Variants in UPRT observed in about 807,000 individuals in gnomAD.
The protein encoded by UPRT is RP11-311P8.3.
UPRT carries 5 observed loss-of-function variants against 22.6 expected under a neutral mutation model. The ratio of observed to expected loss-of-function variants is 0.22; its 90% CI spans 0.12 to 0.47. UPRT has a LOEUF of 0.47. Ranked by LOEUF, UPRT falls within the 20% of genes least tolerant of loss-of-function variation. UPRT has a pLI of 0.99. For synonymous variants in UPRT, 77 were observed against 87.7 expected (o/e 0.88, Z 0.68); for missense variants, 181 against 239.9 (o/e 0.75, Z 1.62).
At chrX:75,216,718 G>T (rs1307928398) in intron 4 of UPRT, among the ~76,000 whole-genome samples, 1 of 112,285 alleles carries the variant, frequency 8.9e-6, no homozygotes, top group Non-Finnish European at 1.9e-5. Context: ...AATATACTAA[G>T]CTTAAGCAAA....
At chrX:75,228,151 A>T (rs953774003) in intron 4 of UPRT, among the ~76,000 whole-genome samples, 2 of 111,591 alleles carry the variant, frequency 1.8e-5, no homozygotes, top group African/African-American at 6.5e-5. Context: ...AGAAATTGCA[A>T]CAAAGGACTC....
intron 4 of UPRT, among the ~76,000 whole-genome samples, chrX:75,183,448 G>C (rs775816269): frequency 8.9e-6 from 1 of 111,920 alleles, no homozygotes; most frequent in Admixed American, 9.5e-5. Context: ...TTGGTTCCAA[G>C]TCTTCGCTAT....
At chrX:75,281,107 C>G (rs1194911012) in intron 1 of UPRT, among the ~76,000 whole-genome samples, 2 of 111,308 alleles carry the variant, frequency 1.8e-5, no homozygotes, top group African/African-American at 6.5e-5. Flanking sequence ...GATTTGTGTA[C>G]ATTAATCTTG....
chrX:75,298,903 C>G (rs932754457), intron 4 of UPRT, among the ~76,000 whole-genome samples: 9 of 112,052 alleles, frequency 8.0e-5, no homozygotes, highest in Non-Finnish European at 1.3e-4. Flanking sequence ...TGCTTATAAC[C>G]TTAATAGCCA....
intron 4 of UPRT, among the ~76,000 whole-genome samples, chrX:75,173,889 C>T (rs1391500157): frequency 2.7e-5 from 3 of 112,209 alleles, no homozygotes; most frequent in Non-Finnish European, 5.7e-5. Flanking sequence ...CCGGCTGCTC[C>T]GAGTGCGGGG....
intron 4 of UPRT, among the ~76,000 whole-genome samples, chrX:75,239,816 A>G (rs1449420637): frequency 9.0e-6 from 1 of 111,634 alleles, no homozygotes; most frequent in Non-Finnish European, 1.9e-5. Context: ...AATAAATGAG[A>G]TACACTACAT....
intron 5 of UPRT, among the ~76,000 whole-genome samples, 177 bp downstream of exon 5, chrX:75,300,073 A>G (rs1259425880): frequency 2.7e-5 from 3 of 112,500 alleles, no homozygotes; most frequent in Non-Finnish European, 5.6e-5. Flanking sequence ...AAGAGAATAT[A>G]CAGTAGTCAG....
rs2082623596 is a variant in UPRT at position 75,274,620 on chromosome X, A to G, written c.366A>G (p.Leu122=). 3.3e-6 allele frequency: 4 copies of G among 1,196,362 alleles called. No individual in the cohort carries two copies. The South Asian group carries it at 7.3e-5, about 22-fold the overall frequency. The change falls in exon 1 of 7, where the codon CTA becomes CTG. Residue 122 remains leucine (L), a synonymous_variant. Transcript: ENST00000373383. ...LLPMNDQIRE[L]QTIIRDKTAS... ...CTATGAATGATCAGATACGGGAGCT[A>G]CAGACCATCATCCGTGACAAGTAAG...
Position 75,197,155 on chromosome X carries a change from C to T in UPRT, c.-447+29276C>T, listed in dbSNP as rs115381615. 5.6e-3 allele frequency among the ~76,000 whole-genome samples: 629 copies of T among 111,437 alleles called. 3 individuals are homozygous for T. The highest frequency in any genetic ancestry group is 0.02 in the African/African-American group (606 of 30,641). ...AAGGTGAAAAAGAAAAAATAATCCTCCTTAAGACTTCTTAAGCAAAGGCCA... is the reference window on the plus strand; with the variant it reads ...AAGGTGAAAAAGAAAAAATAATCCTTCTTAAGACTTCTTAAGCAAAGGCCA... On this transcript the variant is annotated intron_variant, in intron 4 of 13. Transcript: ENST00000652605.
rs761709434 is a variant in UPRT at position 75,174,779 on chromosome X, A to C, written c.-447+6900A>C. On this transcript the variant is annotated intron_variant, in intron 4 of 13. Transcript: ENST00000652605. Reference sequence around the variant, plus strand: ...TTCTTGCAAACTGTCTGAGAGGCAGATATGGGTTGAAGATCCACATAAGTA... The same window carrying C: ...TTCTTGCAAACTGTCTGAGAGGCAGCTATGGGTTGAAGATCCACATAAGTA... Among the ~76,000 whole-genome samples, 46 of 112,290 alleles carry C rather than the reference A, an allele frequency of 4.1e-4. 1 individual carries two copies. The South Asian group carries it at 0.017, about 41-fold the overall frequency.
chrX:75,227,940 T>TA (rs2082427989), intron 4 of UPRT, among the ~76,000 whole-genome samples: 5 of 112,369 alleles, frequency 4.4e-5, no homozygotes, highest in Admixed American at 9.4e-5. Context: ...TCTTTTTATT[T>TA]TTTTAAATAG....
chrX:75,270,385 C>T (rs1353418632), upstream of UPRT, among the ~76,000 whole-genome samples: 1 of 111,332 alleles, frequency 9.0e-6, no homozygotes, highest in Non-Finnish European at 1.9e-5. Context: ...TACCATTTGA[C>T]CCAGCAATTC....
rs148809699 is a variant in UPRT at position 75,231,941 on chromosome X, A to G, written c.-446-59083A>G. 3.1e-3 allele frequency among the ~76,000 whole-genome samples: 345 copies of G among 112,439 alleles called. 1 individual carries two copies. The highest frequency in any genetic ancestry group is 0.01 in the African/African-American group (314 of 30,978). ...CAGCACTAAAAGAAATGCTAGAAAGATGGCTGAATAGGAACAGCTCTGGTC... is the reference window on the plus strand; with the variant it reads ...CAGCACTAAAAGAAATGCTAGAAAGGTGGCTGAATAGGAACAGCTCTGGTC... On this transcript the variant is annotated intron_variant, in intron 4 of 13. Coordinates refer to the UPRT transcript ENST00000652605.
intron 4 of UPRT, among the ~76,000 whole-genome samples, chrX:75,174,651 C>T (rs1276069093): frequency 8.9e-6 from 1 of 112,065 alleles, no homozygotes; most frequent in Non-Finnish European, 1.9e-5. Context: ...GTGTAGCGTC[C>T]TCCTTTTTCA....
chrX:75,252,710 A>G, intron 4 of UPRT, among the ~76,000 whole-genome samples: 1 of 112,439 alleles, frequency 8.9e-6, no homozygotes, highest in Non-Finnish European at 1.9e-5. Context: ...CCAAAGGATT[A>G]TAAATCATGC....
At chrX:75,208,635 G>C (rs959972920) in intron 4 of UPRT, among the ~76,000 whole-genome samples, 6 of 111,683 alleles carry the variant, frequency 5.4e-5, no homozygotes, top group Admixed American at 4.7e-4. Context: ...AGAGATCCTG[G>C]ATAAAGTGGT....
At chrX:75,236,629 C>T (rs1221124418) in intron 4 of UPRT, among the ~76,000 whole-genome samples, 3 of 111,802 alleles carry the variant, frequency 2.7e-5, no homozygotes, top group African/African-American at 9.8e-5. Context: ...GAACCGAGCC[C>T]TCTGAAATAA....
intron 4 of UPRT, among the ~76,000 whole-genome samples, chrX:75,225,794 T>A (rs1456480453): frequency 1.8e-5 from 2 of 111,588 alleles, no homozygotes; most frequent in South Asian, 7.5e-4. Context: ...TTTCTGTATA[T>A]CCACTCTTTT....
intron 4 of UPRT, among the ~76,000 whole-genome samples, chrX:75,265,429 T>C (rs2082584882): frequency 8.9e-6 from 1 of 112,138 alleles, no homozygotes; most frequent in Admixed American, 9.5e-5. Flanking sequence ...TTTCATTCAT[T>C]TGATCTTCCA....
Sources: gnomAD v4.1 joint callset for allele counts (sites outside exome capture counted in the v4.1 genomes callset) on GRCh38, gnomAD v4.1.1 for gene constraint, MANE v1.5 for transcripts, NCBI Gene and HGNC (gene_info 2026-07-23, HGNC 2026-07-21) for gene names.